Variants in GPR158 observed in about 807,000 individuals in gnomAD.
GPR158 encodes metabotropic glycine receptor.
In GPR158, 30 loss-of-function variants were observed where a neutral mutation model predicts 78.2. The ratio of observed to expected loss-of-function variants is 0.38; its 90% CI spans 0.29 to 0.52. The LOEUF (loss-of-function observed/expected upper bound fraction) is 0.52, where lower values mean the gene tolerates loss of function less well. GPR158 is among the 20% of genes least tolerant of loss of function. The pLI, the probability that GPR158 is intolerant of heterozygous loss-of-function variation, is 0.83. For synonymous variants in GPR158, 581 were observed against 591.1 expected (o/e 0.98, Z 0.25); for missense variants, 1,463 against 1,523.5 (o/e 0.96, Z 0.66).
intron 2 of GPR158, among the ~76,000 whole-genome samples, chr10:25,302,641 C>A (rs1854615993): frequency 6.6e-6 from 1 of 152,048 alleles, no homozygotes; most frequent in South Asian, 2.1e-4. Flanking sequence ...GTCACATATT[C>A]TTCTTACTTT....
At chr10:25,274,042 G>C (rs912451921) in intron 2 of GPR158, among the ~76,000 whole-genome samples, 1 of 152,154 alleles carries the variant, frequency 6.6e-6, no homozygotes, top group Non-Finnish European at 1.5e-5. Flanking sequence ...AAAGAGACAA[G>C]TTGGCAGTGC....
At chr10:25,266,130 A>G (rs1338806980) in intron 2 of GPR158, among the ~76,000 whole-genome samples, 1 of 152,108 alleles carries the variant, frequency 6.6e-6, no homozygotes, top group Non-Finnish European at 1.5e-5. Context: ...TAGCCTTCAG[A>G]TCTCAGCTCA....
intron 5 of GPR158, among the ~76,000 whole-genome samples, chr10:25,525,155 T>A (rs1482754211): frequency 3.3e-5 from 5 of 152,068 alleles, no homozygotes; most frequent in African/African-American, 9.7e-5. Context: ...GGTAGAGAAA[T>A]TGGAAACATC....
At chr10:25,465,817 T>C (rs1835413837) in intron 4 of GPR158, among the ~76,000 whole-genome samples, 1 of 152,204 alleles carries the variant, frequency 6.6e-6, no homozygotes, top group South Asian at 2.1e-4. Flanking sequence ...TGGCTCATAT[T>C]TTAGAAATAC....
rs1377570458 is a variant in GPR158 at position 25,549,447 on chromosome 10, A to T, written c.1405-1529A>T. Among the ~76,000 whole-genome samples the T allele has an allele frequency of 3.3e-5, 5 of 151,230 alleles. No homozygotes were observed. In the East Asian group the frequency reaches 1.1e-3, roughly 32 times the overall value. The stretch of plus-strand genomic sequence containing the variant: ...TTTTAACTTGTTTTGTGAAAACAGT[A>T]AAAACAGGTTTTTACTTTTTTTTTT... On this transcript the variant is annotated intron_variant, in intron 5 of 10. Transcript: ENST00000376351.
intron 4 of GPR158, among the ~76,000 whole-genome samples, chr10:25,441,231 C>T (rs995199842): frequency 3.3e-5 from 5 of 152,280 alleles, no homozygotes; most frequent in Non-Finnish European, 5.9e-5. Context: ...TCACAGAAGT[C>T]ATGGTTCTGG....
intron 2 of GPR158, among the ~76,000 whole-genome samples, chr10:25,315,736 A>G (rs199603105): frequency 0.2 from 30,566 of 151,820 alleles, 5,173 homozygotes; most frequent in African/African-American, 0.47. Context: ...TTAAAGTTTT[A>G]AAGTTAGGAA....
chr10:25,433,580 C>G (rs1488111666), intron 4 of GPR158, among the ~76,000 whole-genome samples: 1 of 133,690 alleles, frequency 7.5e-6, no homozygotes, highest in Non-Finnish European at 1.7e-5. Flanking sequence ...TGCGCGCGCG[C>G]GTGCGCGTGC....
intron 5 of GPR158, among the ~76,000 whole-genome samples, chr10:25,499,404 A>G (rs1007138262): frequency 6.6e-6 from 1 of 152,152 alleles, no homozygotes; most frequent in Non-Finnish European, 1.5e-5. Context: ...CCTTGGTACC[A>G]AGGTGGTATG....
At chr10:25,307,788 GTTTA>G (rs1186642943) in intron 2 of GPR158, among the ~76,000 whole-genome samples, 1 of 152,076 alleles carries the variant, frequency 6.6e-6, no homozygotes, top group African/African-American at 2.4e-5. Flanking sequence ...CTGTTCTGTA[GTTTA>G]TTTAATTATT....
intron 2 of GPR158, among the ~76,000 whole-genome samples, chr10:25,379,486 G>A (rs972472691): frequency 9.9e-5 from 15 of 152,126 alleles, no homozygotes; most frequent in African/African-American, 3.6e-4. Context: ...AGCCAGGATT[G>A]TTTACTAGGA....
chr10:25,541,073 C>T (rs952321256), intron 5 of GPR158, among the ~76,000 whole-genome samples: 1 of 151,244 alleles, frequency 6.6e-6, no homozygotes, highest in African/African-American at 2.4e-5. Flanking sequence ...GAATGTACCA[C>T]TTTACTTTCC....
At chr10:25,344,285 T>C (rs1028190299) in intron 2 of GPR158, among the ~76,000 whole-genome samples, 2 of 152,018 alleles carry the variant, frequency 1.3e-5, no homozygotes, top group South Asian at 4.1e-4. Context: ...TTTTAATTTA[T>C]AAAATATATA....
chr10:25,366,097 A>G (rs1223007494), intron 2 of GPR158, among the ~76,000 whole-genome samples: 11 of 151,568 alleles, frequency 7.3e-5, no homozygotes, highest in Admixed American at 2.0e-4. Context: ...ATTTTAATAT[A>G]GCACAATTTA....
At chr10:25,248,295 T>G (rs1853732087) in intron 2 of GPR158, among the ~76,000 whole-genome samples, 1 of 152,144 alleles carries the variant, frequency 6.6e-6, no homozygotes, top group African/African-American at 2.4e-5. Flanking sequence ...TAGTTTCTTT[T>G]GCTGTGCAGA....
intron 2 of GPR158, among the ~76,000 whole-genome samples, chr10:25,246,028 T>C (rs866320807): frequency 1.3e-5 from 2 of 152,234 alleles, no homozygotes; most frequent in Non-Finnish European, 2.9e-5. Flanking sequence ...TATTGGCACA[T>C]AGCCATGTCA....
At chr10:25,583,127 C>T (rs551238957) in intron 7 of GPR158, among the ~76,000 whole-genome samples, 3 of 152,244 alleles carry the variant, frequency 2.0e-5, no homozygotes, top group Non-Finnish European at 2.9e-5. Context: ...TAGCCCATCC[C>T]GGGGCTCTGT....
At chr10:25,219,441 G>C (rs190265155) in intron 1 of GPR158, among the ~76,000 whole-genome samples, 1 of 152,108 alleles carries the variant, frequency 6.6e-6, no homozygotes, top group Admixed American at 6.6e-5. Flanking sequence ...GTTTTATTGC[G>C]TTATGGCCCA....
intron 5 of GPR158, among the ~76,000 whole-genome samples, chr10:25,539,376 G>A (rs1010161220): frequency 2.0e-5 from 3 of 152,130 alleles, no homozygotes; most frequent in African/African-American, 2.4e-5. Context: ...ATCTTATTCT[G>A]GTTCAGAGAA....
Sources: gnomAD v4.1 joint callset for allele counts (sites outside exome capture counted in the v4.1 genomes callset) on GRCh38, gnomAD v4.1.1 for gene constraint, MANE v1.5 for transcripts, NCBI Gene and HGNC (gene_info 2026-07-23, HGNC 2026-07-21) for gene names.